TBC1D19: variants seen among roughly 807,000 people sequenced by gnomAD.
TBC1D19 encodes the protein TBC1 domain family, member 19.
In TBC1D19, 60 loss-of-function variants were observed where a neutral mutation model predicts 89.0. The ratio of observed to expected loss-of-function variants is 0.67; its 90% confidence interval spans 0.55 to 0.84. The LOEUF is 0.84. Among genes scored for constraint, TBC1D19 ranks in the 40% least tolerant of loss-of-function variants. The pLI is 0.00. For synonymous variants in TBC1D19, 189 were observed against 199.7 expected, an observed-to-expected ratio of 0.95 and a Z score of 0.45; for missense variants, 500 against 610.8, an observed-to-expected ratio of 0.82 and a Z score of 1.91.
intron 5 of TBC1D19, among the ~76,000 whole-genome samples, chr4:26,638,265 A>T (rs1458582577): frequency 3.3e-5 from 5 of 151,720 alleles, no homozygotes; most frequent in African/African-American, 1.2e-4. Context: ...TATACTTTGG[A>T]TAATATCCAA....
intron 5 of TBC1D19, 54 bp from the exon 6 acceptor site, chr4:26,638,717 A>G: frequency 2.2e-6 from 3 of 1,351,868 alleles, no homozygotes; most frequent in Admixed American, 1.9e-5. Context: ...TTTTAGTTGT[A>G]TTGCTAGACT....
chr4:26,599,834 G>A (rs1740475900), intron 1 of TBC1D19, among the ~76,000 whole-genome samples: 1 of 150,548 alleles, frequency 6.6e-6, no homozygotes, highest in African/African-American at 2.4e-5. Context: ...TGTAGTCCCA[G>A]CTACTGAGGA....
intron 17 of TBC1D19, chr4:26,741,066 T>C: frequency 1.2e-6 from 1 of 802,672 alleles, no homozygotes; most frequent in Non-Finnish European, 1.5e-6. Context: ...AGATTAATAA[T>C]TCTTTTCTGG....
At chr4:26,625,600 A>G (rs567142799) in intron 4 of TBC1D19, among the ~76,000 whole-genome samples, 3 of 152,242 alleles carry the variant, frequency 2.0e-5, no homozygotes, top group African/African-American at 4.8e-5. Flanking sequence ...AGGACACTAC[A>G]TTACATTTGG....
intron 15 of TBC1D19, among the ~76,000 whole-genome samples, chr4:26,731,428 G>A (rs1397325160): frequency 6.6e-6 from 1 of 151,874 alleles, no homozygotes; most frequent in Non-Finnish European, 1.5e-5. Context: ...AGACAGGAGA[G>A]GTACATAATC....
rs1743191104 is a variant in TBC1D19 at position 26,637,236 on chromosome 4, A to G, written c.320A>G (p.Lys107Arg). The G allele has an allele frequency of 6.2e-7, 1 of 1,607,862 alleles. No individual in the cohort carries two copies. The highest frequency in any genetic ancestry group is 1.3e-5 in the African/African-American group (1 of 74,844). The change falls in exon 5 of 21, where the codon AAG becomes AGG. Residue 107 changes from lysine (K) to arginine (R), a missense_variant. This residue lies in a region of TBC1D19 where 280 missense variants were observed against 291.7 expected (regional missense o/e 0.96). Transcript: ENST00000264866. ...AQGSWEKRIL[K>R]SLNSMCTELS... ...GGAAGTTGGGAAAAAAGAATTTTGA[A>G]GAGTTTAAATAGTATGTGCACTGAA...
chr4:26,659,698 C>T lies in TBC1D19; in HGVS notation c.582C>T (p.Ile194=). 3 of 1,569,600 alleles carry T rather than the reference C, an allele frequency of 1.9e-6. No individual in the cohort carries two copies. The highest frequency in any genetic ancestry group is 1.7e-5 in the Admixed American group (1 of 59,386). The change falls in exon 8 of 21, where the codon ATC becomes ATT. Residue 194 remains isoleucine, a synonymous_variant. Coordinates refer to ENST00000264866, the MANE Select transcript of TBC1D19 (RefSeq NM_018317.4). ...LIQVPLKVKD[I]PELKECFVEL... The stretch of plus-strand genomic sequence containing the variant: ...AAGTTCCACTGAAAGTAAAAGACAT[C>T]CCTGAATTGGTAAGTATAGAAACTT...
In TBC1D19 at chr4:26,666,325, T is replaced by C; in HGVS notation, c.592-8T>C. 6.2e-7 allele frequency: 1 copy of C among 1,609,036 alleles called. No homozygotes were observed. The highest frequency in any genetic ancestry group is 8.5e-7 in the Non-Finnish European group (1 of 1,176,542). On this transcript the variant is annotated splice_polypyrimidine_tract_variant and splice_region_variant and intron_variant, in intron 8 of 20. Transcript: ENST00000264866. ...ATCTATGTTAATTCTACGTATGTTA[T>C]TTTTCAGAAAGAATGCTTTGTGGAA... is the stretch of plus-strand genomic sequence containing the variant.
downstream of TBC1D19, among the ~76,000 whole-genome samples, chr4:26,759,039 C>A (rs1191268915): frequency 6.6e-6 from 1 of 152,196 alleles, no homozygotes; most frequent in African/African-American, 2.4e-5. Context: ...AGAATGCCTT[C>A]TCTTCCCTCT....
chr4:26,709,925 A>C (rs191747349), intron 13 of TBC1D19, among the ~76,000 whole-genome samples: 303 of 152,146 alleles, frequency 2.0e-3, no homozygotes, highest in African/African-American at 7.0e-3. Flanking sequence ...CTTAGATCCC[A>C]AGCCCATACA....
At chr4:26,734,934 G>GTGTATAGATGTATACACATATGTATA (rs1717883429) in intron 15 of TBC1D19, among the ~76,000 whole-genome samples, 1 of 118,056 alleles carries the variant, frequency 8.5e-6, no homozygotes, top group South Asian at 2.8e-4. Flanking sequence ...ACATATATGT[G>GTGTATAGATGTATACACATATGTATA]TGTATATATG....
intron 1 of TBC1D19, among the ~76,000 whole-genome samples, chr4:26,604,549 A>T (rs2908823): frequency 0.38 from 57,107 of 150,416 alleles, 11,781 homozygotes; most frequent in Non-Finnish European, 0.47. Flanking sequence ...AGACATTTGG[A>T]TTATTTCCAC....
At chr4:26,750,484 A>G (rs1232363462) in intron 19 of TBC1D19, among the ~76,000 whole-genome samples, 1 of 151,544 alleles carries the variant, frequency 6.6e-6, no homozygotes, top group African/African-American at 2.4e-5. Context: ...GAATTAGAAA[A>G]CCTCCAAGCC....
At chr4:26,698,441 G>A (rs1715006175) in intron 13 of TBC1D19, among the ~76,000 whole-genome samples, 1 of 152,090 alleles carries the variant, frequency 6.6e-6, no homozygotes, top group Non-Finnish European at 1.5e-5. Context: ...TACTGCCCAA[G>A]GTAATTTATA....
At chr4:26,601,424 C>A (rs1381400120) in intron 1 of TBC1D19, among the ~76,000 whole-genome samples, 1 of 152,046 alleles carries the variant, frequency 6.6e-6, no homozygotes, top group Non-Finnish European at 1.5e-5. Flanking sequence ...TTCCTATGTG[C>A]CAGTTACTGA....
intron 14 of TBC1D19, among the ~76,000 whole-genome samples, chr4:26,718,388 A>G (rs1716776317): frequency 6.6e-6 from 1 of 152,064 alleles, no homozygotes; most frequent in Non-Finnish European, 1.5e-5. Context: ...CACCACACAC[A>G]AAACTTTGAT....
the TBC1D19 span, among the ~76,000 whole-genome samples, chr4:26,809,337 CAA>C: frequency 6.6e-6 from 1 of 152,128 alleles, no homozygotes; most frequent in Non-Finnish European, 1.5e-5. Context: ...AGGGACTGGA[CAA>C]GAGAGGGGAC....
the TBC1D19 span, among the ~76,000 whole-genome samples, chr4:26,792,945 T>A: frequency 6.6e-6 from 1 of 152,230 alleles, no homozygotes; most frequent in Admixed American, 6.5e-5. Flanking sequence ...AGGATGTGGT[T>A]CTGTAACCAA....
intron 1 of TBC1D19, among the ~76,000 whole-genome samples, chr4:26,608,040 C>G (rs1741117848): frequency 6.6e-6 from 1 of 152,174 alleles, no homozygotes; most frequent in South Asian, 2.1e-4. Flanking sequence ...ACTTGTCATA[C>G]CACATCATGT....
Sources: gnomAD v4.1 joint callset for allele counts (sites outside exome capture counted in the v4.1 genomes callset) on GRCh38, gnomAD v4.1.1 for gene constraint, gnomAD v4.1.1 regional missense constraint, MANE v1.5 for transcripts, NCBI Gene and HGNC (gene_info 2026-07-23, HGNC 2026-07-21) for gene names.